OMA1: variants seen among roughly 807,000 people sequenced by gnomAD.
The protein encoded by OMA1 is metalloendopeptidase OMA1, mitochondrial.
A neutral mutation model predicts 30.9 loss-of-function variants in OMA1; 38 were observed. That is an observed-to-expected ratio of 1.23 (90% CI 0.95 to 1.61). OMA1 has a LOEUF of 1.61. Ranked by LOEUF, OMA1 falls within the 40% of genes most tolerant of loss-of-function variation. OMA1 has a pLI of 0.00. For synonymous variants in OMA1, 173 were observed against 121.9 expected (o/e 1.42, Z -2.76); for missense variants, 461 against 349.2 (o/e 1.32, Z -2.55).
At chr1:58,508,600 G>A (rs1041211432) in intron 7 of OMA1, among the ~76,000 whole-genome samples, 1 of 152,148 alleles carries the variant, frequency 6.6e-6, no homozygotes, top group Admixed American at 6.6e-5. Context: ...ACTCCTTGGG[G>A]AAGGAAAAAC....
chr1:58,492,925 C>A (rs28802108), intron 8 of OMA1, among the ~76,000 whole-genome samples: 27,024 of 152,084 alleles, frequency 0.18, 2,535 homozygotes, highest in Middle Eastern at 0.23. Context: ...ATGAGGCCAG[C>A]ATCATCCTGA....
rs573882676 is a variant in OMA1 at position 58,519,192 on chromosome 1, C to T, written c.1215+8069G>A. 2.6e-5 allele frequency among the ~76,000 whole-genome samples: 4 copies of T among 152,286 alleles called. No homozygotes were observed. The South Asian group carries it at 6.2e-4, about 24-fold the overall frequency. On this transcript the variant is annotated intron_variant, in intron 7 of 8. Coordinates refer to ENST00000371226, the MANE Select transcript of OMA1 (RefSeq NM_145243.5). ...CACAATGAATGGGAAAACCCTACTC[C>T]CTTTTCCACTGCCAATCCTCAAACA...
At chr1:58,539,536 T>G (rs953106728) in intron 1 of OMA1, among the ~76,000 whole-genome samples, 3 of 102,976 alleles carry the variant, frequency 2.9e-5, no homozygotes, top group Non-Finnish European at 6.5e-5. Context: ...AAGCTTGAAT[T>G]TTTTTCATTT....
chr1:58,502,137 T>C (rs927772880), intron 8 of OMA1, among the ~76,000 whole-genome samples: 1 of 152,204 alleles, frequency 6.6e-6, no homozygotes, highest in South Asian at 2.1e-4. Context: ...ACAATACATT[T>C]TTGTGATGAT....
At position 58,480,948 on chromosome 1, in the gene OMA1, G is replaced by C. The variant is rs1467364754; in HGVS notation, c.*17C>G. 1 of 848,152 alleles carries C rather than the reference G, an allele frequency of 1.2e-6. No homozygotes were observed. The highest frequency in any genetic ancestry group is 2.0e-6 in the Non-Finnish European group (1 of 490,578). The allele number at this position is 848,152 out of a possible 1,614,324, so 52.5% of individuals were successfully genotyped here. A position where few individuals can be genotyped will look rare whatever the true frequency, so the allele number is the denominator to read the frequency against. ...CTGCAACATTCTTCATATATCTTGT[G>C]TCTCATAAATTTTAATTCAACTGCC... On this transcript the variant is annotated 3_prime_UTR_variant, in exon 9 of 9. Coordinates refer to ENST00000371226, the MANE Select transcript of OMA1 (RefSeq NM_145243.5).
chr1:58,506,358 A>G, intron 7 of OMA1, 149 bp from the exon 8 acceptor site: 2 of 542,532 alleles, frequency 3.7e-6, no homozygotes, highest in Non-Finnish European at 6.5e-6. Flanking sequence ...ACATACGTAT[A>G]CATGTGCCAT....
intron 7 of OMA1, among the ~76,000 whole-genome samples, chr1:58,524,256 C>T (rs2100459276): frequency 6.6e-6 from 1 of 152,324 alleles, no homozygotes; most frequent in African/African-American, 2.4e-5. Context: ...GGCAGCTATT[C>T]TTTCTCCTTA....
intron 8 of OMA1, among the ~76,000 whole-genome samples, chr1:58,494,476 C>A (rs995232715): frequency 4.4e-4 from 67 of 152,286 alleles, no homozygotes; most frequent in African/African-American, 1.6e-3. Context: ...TCAGAGTGAA[C>A]AGGCAACCTA....
At chr1:58,536,408 T>A in intron 3 of OMA1, 105 bp downstream of exon 3, 1 of 646,000 alleles carries the variant, frequency 1.5e-6, no homozygotes, top group Non-Finnish European at 2.8e-6. Context: ...TAATTTCATA[T>A]CAAAGACTAA....
chr1:58,528,710 C>T (rs1057327943), intron 6 of OMA1, among the ~76,000 whole-genome samples: 1 of 152,116 alleles, frequency 6.6e-6, no homozygotes, highest in Non-Finnish European at 1.5e-5. Flanking sequence ...ATGTGTCATT[C>T]GGTCCTCACA....
At chr1:58,537,375 T>C (rs1364223262) in intron 2 of OMA1, among the ~76,000 whole-genome samples, 1 of 152,214 alleles carries the variant, frequency 6.6e-6, no homozygotes, top group Non-Finnish European at 1.5e-5. Context: ...CAAGGGAAAC[T>C]GCCTCAGCAT....
At chr1:58,538,373 G>C (rs555672539) in intron 2 of OMA1, among the ~76,000 whole-genome samples, 57 of 152,274 alleles carry the variant, frequency 3.7e-4, no homozygotes, top group Admixed American at 1.4e-3. Flanking sequence ...TCAATTTTAT[G>C]ATTTGCTGCC....
chr1:58,496,575 T>C (rs1645806579), intron 8 of OMA1, among the ~76,000 whole-genome samples: 1 of 152,202 alleles, frequency 6.6e-6, no homozygotes, highest in Non-Finnish European at 1.5e-5. Context: ...TTTGTTTTGT[T>C]GCTATTGCTG....
At chr1:58,512,481 A>C (rs1569923555) in intron 7 of OMA1, among the ~76,000 whole-genome samples, 1 of 152,230 alleles carries the variant, frequency 6.6e-6, no homozygotes, top group Non-Finnish European at 1.5e-5. Context: ...ACAATAGCCA[A>C]GATGTGGAAA....
At chr1:58,484,491 G>A (rs1186700336) in intron 8 of OMA1, among the ~76,000 whole-genome samples, 1 of 152,126 alleles carries the variant, frequency 6.6e-6, no homozygotes, top group Non-Finnish European at 1.5e-5. Context: ...AACATTTCAT[G>A]ACTTTTATAT....
chr1:58,499,485 GATAGATAGATAGATAGATAGATAA>G (rs1208678606), intron 8 of OMA1, among the ~76,000 whole-genome samples: 1 of 147,814 alleles, frequency 6.8e-6, no homozygotes, highest in Non-Finnish European at 1.5e-5. Context: ...ACTATAGATA[GATAGATAGATAGATAGATAGATAA>G]ATAGATAGAT....
At chr1:58,521,750 G>A (rs1646268144) in intron 7 of OMA1, among the ~76,000 whole-genome samples, 1 of 152,048 alleles carries the variant, frequency 6.6e-6, no homozygotes, top group East Asian at 1.9e-4. Context: ...ATCTATTAAA[G>A]AGACTGAATC....
In OMA1 at chr1:58,536,502, T is replaced by TTAC. The variant is rs1416917600; in HGVS notation, c.729+8_729+10dup. 5.8e-6 allele frequency: 5 copies of TTAC among 864,796 alleles called. No homozygotes were observed. Among genetic ancestry groups the TTAC allele is most frequent in the Non-Finnish European group, 1.0e-5 (5 of 495,500 alleles). The allele number at this position is 864,796 out of a possible 1,614,324, so 53.6% of individuals were successfully genotyped here. A position where few individuals can be genotyped will look rare whatever the true frequency, so the allele number is the denominator to read the frequency against. ...TAAGCAGTCTAATTAAAAACAACTC[T>TTAC]TACTACTTACTGCTTCATATTCCAG... On this transcript the variant is annotated intron_variant, in intron 3 of 8. Transcript: ENST00000371226.
intron 7 of OMA1, among the ~76,000 whole-genome samples, chr1:58,524,570 T>C (rs111266154): frequency 6.6e-6 from 1 of 152,252 alleles, no homozygotes; most frequent in African/African-American, 2.4e-5. Flanking sequence ...AAGGTTTTCA[T>C]GCTTGCTGGT....
Sources: gnomAD v4.1 joint callset for allele counts (sites outside exome capture counted in the v4.1 genomes callset) on GRCh38, gnomAD v4.1.1 for gene constraint, MANE v1.5 for transcripts, NCBI Gene and HGNC (gene_info 2026-07-23, HGNC 2026-07-21) for gene names.